Variants in STARD13 observed in about 807,000 individuals in gnomAD.
The protein encoded by STARD13 is stAR-related lipid transfer protein 13.
STARD13 carries 62 observed loss-of-function variants against 106.4 expected under a neutral mutation model. The observed-to-expected ratio is 0.58, with a 90% CI of 0.48 to 0.72. The LOEUF is 0.72. Among genes scored for constraint, STARD13 ranks in the 30% least tolerant of loss-of-function variants. STARD13 has a pLI of 0.00. For synonymous variants in STARD13, 565 were observed against 553.0 expected, an observed-to-expected ratio of 1.02 and a Z score of -0.31; for missense variants, 1,387 against 1,424.0, an observed-to-expected ratio of 0.97 and a Z score of 0.42.
chr13:33,647,664 A>G, the STARD13 span, among the ~76,000 whole-genome samples: 1 of 152,238 alleles, frequency 6.6e-6, no homozygotes, highest in Non-Finnish European at 1.5e-5. Context: ...AGGTTGTTGA[A>G]TCCCTGTTCA....
intron 1 of STARD13, among the ~76,000 whole-genome samples, chr13:33,203,135 C>G (rs186628427): frequency 6.6e-6 from 1 of 152,264 alleles, no homozygotes. Context: ...CGGAAGAGCA[C>G]AGTTGAATGG....
chr13:33,508,557 C>T, the STARD13 span, among the ~76,000 whole-genome samples: 3 of 152,106 alleles, frequency 2.0e-5, no homozygotes, highest in Non-Finnish European at 4.4e-5. Flanking sequence ...TGCACTGAAG[C>T]GAACCCTAAC....
intron 1 of STARD13, among the ~76,000 whole-genome samples, chr13:33,308,399 T>A (rs1380310692): frequency 2.5e-4 from 38 of 152,092 alleles, no homozygotes; most frequent in Admixed American, 2.5e-3. Flanking sequence ...TAGAAAAGCA[T>A]CTATCAATAT....
rs147727434 is a variant in STARD13 at position 33,163,114 on chromosome 13, A to G, written c.323+2223T>C. Among the ~76,000 whole-genome samples, 132 of 152,278 alleles carry G rather than the reference A, an allele frequency of 8.7e-4. 2 individuals are homozygous for G. The East Asian group carries it at 0.018, about 21-fold the overall frequency. On this transcript the variant is annotated intron_variant, in intron 3 of 13. Transcript: ENST00000336934. Reference sequence around the variant, plus strand: ...ATGAGGAAGATGCAAAAGCAGAAAGATCTGATAAAACCATCAGATCTCATG... The same window carrying G: ...ATGAGGAAGATGCAAAAGCAGAAAGGTCTGATAAAACCATCAGATCTCATG...
the STARD13 span, among the ~76,000 whole-genome samples, chr13:33,660,481 T>C: frequency 1.9e-3 from 292 of 152,238 alleles, 2 homozygotes; most frequent in African/African-American, 6.6e-3. Flanking sequence ...GTGCAGACCA[T>C]TGGTGAAGTA....
At chr13:33,634,231 A>G in the STARD13 span, among the ~76,000 whole-genome samples, 1 of 152,204 alleles carries the variant, frequency 6.6e-6, no homozygotes, top group Admixed American at 6.5e-5. Context: ...GTGGCATCAT[A>G]GCATCTGAAA....
the STARD13 span, among the ~76,000 whole-genome samples, chr13:33,627,198 T>C: frequency 1.3e-5 from 2 of 152,210 alleles, no homozygotes; most frequent in Non-Finnish European, 2.9e-5. Context: ...ATATAAAGGG[T>C]ATTTATCTAT....
At chr13:33,393,149 T>C in the STARD13 span, among the ~76,000 whole-genome samples, 3 of 152,168 alleles carry the variant, frequency 2.0e-5, no homozygotes, top group Non-Finnish European at 4.4e-5. Flanking sequence ...GTTTGAAAAA[T>C]TTATTTGCCA....
Position 33,137,527 on chromosome 13 carries a change from T to A in STARD13, c.387+4783A>T, listed in dbSNP as rs75897662. Among the ~76,000 whole-genome samples, 57 of 152,306 alleles carry A rather than the reference T, an allele frequency of 3.7e-4. 1 individual carries two copies. The East Asian group carries it at 0.011, about 29-fold the overall frequency. ...TGCTTCACCAGGGAAAAAAGCTAGGTTCAGGTGGGCCAGATTAGAAGGAAT... is the reference window on the plus strand; with the variant it reads ...TGCTTCACCAGGGAAAAAAGCTAGGATCAGGTGGGCCAGATTAGAAGGAAT... On this transcript the variant is annotated intron_variant, in intron 4 of 13. Coordinates refer to ENST00000336934, the MANE Select transcript of STARD13 (RefSeq NM_178006.4).
intron 7 of STARD13, among the ~76,000 whole-genome samples, chr13:33,123,010 C>G (rs1209498867): frequency 1.5e-5 from 2 of 131,754 alleles, no homozygotes; most frequent in Non-Finnish European, 3.1e-5. Context: ...GAGCTGAGAT[C>G]GTGCCACTGC....
At chr13:33,158,089 C>A (rs1566033991) in intron 3 of STARD13, among the ~76,000 whole-genome samples, 1 of 152,124 alleles carries the variant, frequency 6.6e-6, no homozygotes, top group Non-Finnish European at 1.5e-5. Flanking sequence ...TGCAGCCTTG[C>A]TGAAGCAACA....
At chr13:33,614,371 T>G in the STARD13 span, among the ~76,000 whole-genome samples, 1 of 151,488 alleles carries the variant, frequency 6.6e-6, no homozygotes, top group East Asian at 1.9e-4. Context: ...ATGTAAAAGT[T>G]TCAGAATTTC....
chr13:33,285,705 CA>C lies in STARD13; in HGVS notation c.-68del. 6.3e-7 allele frequency: 1 copy of C among 1,589,348 alleles called. No individual in the cohort carries two copies. The highest frequency in any genetic ancestry group is 8.5e-7 in the Non-Finnish European group (1 of 1,170,122). ...GTTGCCGTCTGTCTCCAGTCTCAGT[CA>C]AAGAGCAAGGCACCCAGCCCAGGAC... On this transcript the variant is annotated 5_prime_UTR_variant, in exon 1 of 14. Coordinates refer to ENST00000336934, the MANE Select transcript of STARD13 (RefSeq NM_178006.4).
At chr13:33,138,665 G>A (rs777212877) in intron 4 of STARD13, 3 of 294,846 alleles carry the variant, frequency 1.0e-5, no homozygotes, top group Non-Finnish European at 2.0e-5. Context: ...AGCAGGAATG[G>A]GCCGCTGGGA....
At chr13:33,339,714 CT>C (rs2077938198) in intron 1 of STARD13, among the ~76,000 whole-genome samples, 1 of 152,094 alleles carries the variant, frequency 6.6e-6, no homozygotes, top group South Asian at 2.1e-4. Flanking sequence ...TATGCAAAAG[CT>C]TTTTTGACTT....
rs371245565 is a variant in STARD13, at chr13:33,158,191, A to AAGAGAG, written c.323+7140_323+7145dup. On this transcript the variant is annotated intron_variant, in intron 3 of 13. Transcript: ENST00000336934. ...GGGCCTAAAATGAGAGCTAGAGAGA[A>AAGAGAG]AGAGAGAGAGAGAGAGAGAGCAAGA... 5.8e-4 allele frequency among the ~76,000 whole-genome samples: 86 copies of AAGAGAG among 148,628 alleles called. 1 individual carries two copies. The highest frequency in any genetic ancestry group is 2.1e-3 in the African/African-American group (86 of 40,780).
chr13:33,364,197 G>T, the STARD13 span, among the ~76,000 whole-genome samples: 2 of 152,010 alleles, frequency 1.3e-5, no homozygotes, highest in African/African-American at 4.8e-5. Flanking sequence ...CAGGCACAGT[G>T]ACTCAAGCCT....
the STARD13 span, among the ~76,000 whole-genome samples, chr13:33,413,533 T>G: frequency 6.6e-5 from 10 of 152,048 alleles, no homozygotes; most frequent in Non-Finnish European, 1.2e-4. Context: ...GAACCTCATG[T>G]GAAAAGGATG....
At chr13:33,106,714 G>A (rs754175514) in intron 13 of STARD13, 44 bp downstream of exon 13, 2 of 1,538,824 alleles carry the variant, frequency 1.3e-6, no homozygotes, top group Middle Eastern at 1.7e-4. Flanking sequence ...TACAAGCTGA[G>A]ACTCCCAAGA....
Sources: allele counts gnomAD v4.1 joint callset (sites outside exome capture counted in the v4.1 genomes callset), GRCh38; gene constraint gnomAD v4.1.1; transcripts MANE v1.5; gene names NCBI Gene and HGNC (gene_info 2026-07-23, HGNC 2026-07-21).